The following EXPH5 variants were observed in gnomAD, a reference collection of about 807,000 sequenced individuals.
EXPH5 encodes exophilin-5.
EXPH5 carries 42 observed loss-of-function variants against 41.1 expected under a neutral mutation model. The ratio of observed to expected loss-of-function variants is 1.02; its 90% CI spans 0.80 to 1.32. The LOEUF (loss-of-function observed/expected upper bound fraction) is 1.32. Among genes scored for constraint, EXPH5 ranks in the 40% most tolerant of loss-of-function variants. The pLI is 0.00. For synonymous variants in EXPH5, 798 were observed against 833.5 expected, an observed-to-expected ratio of 0.96 and a Z score of 0.73; for missense variants, 2,298 against 2,314.5, an observed-to-expected ratio of 0.99 and a Z score of 0.15.
rs2093643308 is a variant in EXPH5 at position 108,506,205 on chromosome 11, A to G, written c.*3332T>C. On this transcript the variant is annotated 3_prime_UTR_variant, in exon 6 of 6. Coordinates refer to ENST00000265843, the MANE Select transcript of EXPH5 (RefSeq NM_015065.3). ...AATATAAAAATGACTATTATAAGTT[A>G]CCATAGCTATACCAAAAATGAACAT... is the stretch of plus-strand genomic sequence containing the variant. The G allele has an allele frequency of 6.6e-6, 1 of 152,246 alleles. No homozygotes were observed. Among genetic ancestry groups the G allele is most frequent in the Admixed American group, 6.5e-5 (1 of 15,288 alleles). The allele number at this position is 152,246 out of a possible 1,614,324, so 9.4% of individuals were successfully genotyped here.
In EXPH5 at chr11:108,513,480, C is replaced by G. The variant is rs2846412; in HGVS notation, c.2027G>C (p.Ser676Thr). 6.2e-7 allele frequency: 1 copy of G among 1,613,624 alleles called. No homozygotes were observed. The highest frequency in any genetic ancestry group is 8.5e-7 in the Non-Finnish European group (1 of 1,179,830). The change falls in exon 6 of 6, where the codon AGC becomes ACC. Residue 676 changes from serine to threonine, a missense_variant. Coordinates refer to ENST00000265843, the MANE Select transcript of EXPH5 (RefSeq NM_015065.3). ...MRSHTEVTVT[S>T]SNSVDSLPLA... ...AGGCAGAGAGTCAACTGAATTGCTG[C>G]TGGTCACAGTGACTTCTGTATGGCT...
At chr11:108,551,167 G>A (rs1006596167) in intron 1 of EXPH5, among the ~76,000 whole-genome samples, 4 of 152,258 alleles carry the variant, frequency 2.6e-5, no homozygotes, top group South Asian at 2.1e-4. Flanking sequence ...TGGAGCTGCC[G>A]AACTGAGACG....
the EXPH5 span, among the ~76,000 whole-genome samples, chr11:108,606,937 C>T: frequency 2.6e-5 from 4 of 152,172 alleles, no homozygotes; most frequent in Admixed American, 2.0e-4. Flanking sequence ...CTACAAAGAT[C>T]GTAAATGATG....
In EXPH5 at chr11:108,572,421, C is replaced by T. The variant is rs77909098; in HGVS notation, c.119+20997G>A. On this transcript the variant is annotated intron_variant, in intron 1 of 5. Coordinates refer to ENST00000265843, the MANE Select transcript of EXPH5 (RefSeq NM_015065.3). ...ATCACTTTCTGTTTTCCTAGTTGGA[C>T]CCTGACTGATGTGCAGACAATGATC... Among the ~76,000 whole-genome samples, 790 of 152,280 alleles carry T rather than the reference C, an allele frequency of 5.2e-3. 11 individuals are homozygous for T. The highest frequency in any genetic ancestry group is 0.018 in the African/African-American group (754 of 41,566).
intron 1 of EXPH5, among the ~76,000 whole-genome samples, chr11:108,586,424 C>CCCA: frequency 3.3e-5 from 5 of 151,054 alleles, no homozygotes; most frequent in Non-Finnish European, 5.9e-5. Flanking sequence ...TACTCCCTCC[C>CCCA]TGATCCCCTT....
chr11:108,516,267 T>C (rs1207451047), intron 5 of EXPH5, among the ~76,000 whole-genome samples: 3 of 152,066 alleles, frequency 2.0e-5, no homozygotes, highest in African/African-American at 7.2e-5. Context: ...AGGGGCCCCC[T>C]TACGATAACT....
chr11:108,561,891 G>A (rs1443708193), intron 1 of EXPH5, among the ~76,000 whole-genome samples: 1 of 152,178 alleles, frequency 6.6e-6, no homozygotes, highest in Non-Finnish European at 1.5e-5. Flanking sequence ...CCCTGGCAAT[G>A]GAAGTGAGTA....
chr11:108,601,483 A>G, the EXPH5 span, among the ~76,000 whole-genome samples: 2 of 152,230 alleles, frequency 1.3e-5, no homozygotes, highest in African/African-American at 4.8e-5. Flanking sequence ...GTAAACAACA[A>G]TTTATATAAT....
Position 108,512,305 on chromosome 11 carries a change from T to G in EXPH5, c.3202A>C (p.Asn1068His). 1.2e-6 allele frequency: 2 copies of G among 1,613,824 alleles called. No individual in the cohort carries two copies. The highest frequency in any genetic ancestry group is 1.7e-6 in the Non-Finnish European group (2 of 1,179,900). The change falls in exon 6 of 6, where the codon AAC becomes CAC. Residue 1068 changes from asparagine to histidine, a missense_variant. By Grantham distance (68) the Asn-to-His change is moderately conservative. Transcript: ENST00000265843. ...TCAGGAGAACTGGGACTAAATTTGT[T>G]TAACATATAGTTCCCCATTGCATCT... ...VEDAMGNYMLNKFSPSSPESA... is the reference protein window; with the variant it reads ...VEDAMGNYMLHKFSPSSPESA...
intron 1 of EXPH5, among the ~76,000 whole-genome samples, chr11:108,551,612 G>A (rs144603623): frequency 1.3e-4 from 19 of 151,792 alleles, no homozygotes; most frequent in African/African-American, 4.6e-4. Context: ...GGACCTGACC[G>A]TCTTGTTACA....
intron 3 of EXPH5, among the ~76,000 whole-genome samples, chr11:108,535,403 C>A (rs765337951): frequency 6.6e-6 from 1 of 152,144 alleles, no homozygotes; most frequent in Non-Finnish European, 1.5e-5. Context: ...GGACACCATG[C>A]CTGGAATCAC....
At chr11:108,573,198 A>AAGAAAGAAAGAAAGAAAGAAAGAG (rs1456627760) in intron 1 of EXPH5, among the ~76,000 whole-genome samples, 6 of 108,228 alleles carry the variant, frequency 5.5e-5, no homozygotes, top group African/African-American at 8.3e-5. Flanking sequence ...GAAAGAAAGA[A>AAGAAAGAAAGAAAGAAAGAAAGAG]AAAGAAAGAA....
chr11:108,552,358 A>G (rs771236887), intron 1 of EXPH5, among the ~76,000 whole-genome samples: 1 of 152,190 alleles, frequency 6.6e-6, no homozygotes, highest in Non-Finnish European at 1.5e-5. Context: ...GTATATTGAA[A>G]AATGTGTTCT....
intron 3 of EXPH5, among the ~76,000 whole-genome samples, chr11:108,532,353 TATATATATATA>T (rs1565800115): frequency 1.2e-4 from 2 of 16,784 alleles, no homozygotes; most frequent in Non-Finnish European, 2.4e-4. Flanking sequence ...TATATATATA[TATATATATATA>T]TATTTTTTTT....
At chr11:108,585,136 A>G (rs568811957) in intron 1 of EXPH5, among the ~76,000 whole-genome samples, 1 of 152,264 alleles carries the variant, frequency 6.6e-6, no homozygotes, top group South Asian at 2.1e-4. Flanking sequence ...GAAGGCAAGT[A>G]AGCACATAAA....
At chr11:108,580,304 G>A (rs772157220) in intron 1 of EXPH5, among the ~76,000 whole-genome samples, 12 of 152,090 alleles carry the variant, frequency 7.9e-5, no homozygotes, top group Non-Finnish European at 1.6e-4. Flanking sequence ...TGAAAAAGAT[G>A]CTCAACATCA....
Position 108,511,706 on chromosome 11 carries a change from G to C in EXPH5, c.3801C>G (p.Leu1267=). 1 of 1,608,004 alleles carries C rather than the reference G, an allele frequency of 6.2e-7. No homozygotes were observed. Among genetic ancestry groups the C allele is most frequent in the South Asian group, 1.1e-5 (1 of 89,506 alleles). The part of the protein sequence containing the change: ...PRKPSKKFCN[L]LQQYTQNTNL... ...TAGTATTTTGTGTATACTGTTGAAG[G>C]AGGTTACAGAATTTTTTGCTGGGTT... The change falls in exon 6 of 6, where the codon CTC becomes CTG. Residue 1267 remains leucine, a synonymous_variant. Coordinates refer to ENST00000265843, the MANE Select transcript of EXPH5 (RefSeq NM_015065.3).
Position 108,539,146 on chromosome 11 carries a change from A to C in EXPH5, c.321T>G (p.Thr107=). 6.2e-7 allele frequency: 1 copy of C among 1,609,156 alleles called. No homozygotes were observed. Among genetic ancestry groups the C allele is most frequent in the Non-Finnish European group, 8.5e-7 (1 of 1,177,764 alleles). ...AAAAAGGTGTCGGCTTTTTTTGATT[A>C]GTTACATTTTTAGATCTTGATGTAG... ...ELPTSRSKNV[T]NQKKPTPFSS... Residue 107 remains threonine, a synonymous_variant, in exon 3 of 6, where the codon ACT becomes ACG. Coordinates refer to ENST00000265843, the MANE Select transcript of EXPH5 (RefSeq NM_015065.3).
At position 108,593,428 on chromosome 11, in the gene EXPH5, CCTT is replaced by C. The variant is rs780227354; in HGVS notation, c.106_108del (p.Lys36del). 3.7e-6 allele frequency: 6 copies of C among 1,613,838 alleles called. No homozygotes were observed. The Admixed American group carries it at 5.0e-5, about 13-fold the overall frequency. ...GAATTTGCTCTGTACCTGATCCTGT[CCTT>C]CTCGGCCCTCTGTAACTCCTCATTC... On this transcript the variant is annotated inframe_deletion, in exon 1 of 6. Transcript: ENST00000265843.
Sources: allele counts gnomAD v4.1 joint callset (sites outside exome capture counted in the v4.1 genomes callset), GRCh38; gene constraint gnomAD v4.1.1; transcripts MANE v1.5; gene names NCBI Gene and HGNC (gene_info 2026-07-23, HGNC 2026-07-21).